The following SAMD4A variants were observed in gnomAD, a reference collection of about 807,000 sequenced individuals.
SAMD4A encodes protein Smaug homolog 1.
In SAMD4A, 33 loss-of-function variants were observed where a neutral mutation model predicts 81.3. The observed-to-expected ratio is 0.41, with a 90% CI of 0.31 to 0.54. SAMD4A has a LOEUF of 0.54. Among genes scored for constraint, SAMD4A ranks in the 20% least tolerant of loss-of-function variants. The probability of loss-of-function intolerance (pLI) is 0.37; values close to 1 mark genes in which losing one functional copy is unlikely to be tolerated. For missense variants in SAMD4A, 854 were observed against 951.1 expected (o/e 0.90, Z 1.34); for synonymous variants, 389 against 382.1 (o/e 1.02, Z -0.21).
At chr14:54,781,804 C>T (rs988477998) in intron 11 of SAMD4A, among the ~76,000 whole-genome samples, 1 of 152,254 alleles carries the variant, frequency 6.6e-6, no homozygotes, top group Non-Finnish European at 1.5e-5. Context: ...CCCCATACAG[C>T]TGAGGGTTCC....
intron 7 of SAMD4A, among the ~76,000 whole-genome samples, chr14:54,761,848 G>A (rs953621461): frequency 6.6e-6 from 1 of 151,992 alleles, no homozygotes; most frequent in Non-Finnish European, 1.5e-5. Context: ...CCTGCCCCAC[G>A]TCCCCCTTTA....
At chr14:54,662,984 C>T (rs1343977957) in intron 2 of SAMD4A, among the ~76,000 whole-genome samples, 4 of 152,184 alleles carry the variant, frequency 2.6e-5, no homozygotes, top group African/African-American at 4.8e-5. Context: ...CTTTGTTGCA[C>T]AGTGGAAGTC....
At chr14:54,692,379 C>G (rs761201831) in intron 2 of SAMD4A, among the ~76,000 whole-genome samples, 2 of 152,190 alleles carry the variant, frequency 1.3e-5, no homozygotes, top group Admixed American at 6.5e-5. Flanking sequence ...TCCCAAGATA[C>G]TCCTCTGTTG....
chr14:54,738,944 A>G (rs2037770082), intron 4 of SAMD4A, among the ~76,000 whole-genome samples: 1 of 152,044 alleles, frequency 6.6e-6, no homozygotes, highest in Non-Finnish European at 1.5e-5. Flanking sequence ...ATCCTATAGA[A>G]GGGCCATTCA....
intron 3 of SAMD4A, among the ~76,000 whole-genome samples, chr14:54,708,826 C>T (rs1034265977): frequency 3.3e-5 from 5 of 152,078 alleles, no homozygotes; most frequent in African/African-American, 1.2e-4. Flanking sequence ...GAGCACTTAG[C>T]ACATGGTAGG....
chr14:54,688,349 C>T (rs551319784), intron 2 of SAMD4A: 2 of 985,526 alleles, frequency 2.0e-6, no homozygotes, highest in African/African-American at 3.5e-5. Context: ...TCTGCAGACT[C>T]ATCTCAACTC....
intron 2 of SAMD4A, among the ~76,000 whole-genome samples, chr14:54,607,185 A>G (rs565005705): frequency 6.6e-6 from 1 of 152,218 alleles, no homozygotes; most frequent in Non-Finnish European, 1.5e-5. Flanking sequence ...ATTCCCATGG[A>G]GGGAGGGCGT....
chr14:54,731,927 A>G (rs1271537170), intron 3 of SAMD4A, among the ~76,000 whole-genome samples: 1 of 152,228 alleles, frequency 6.6e-6, no homozygotes, highest in East Asian at 1.9e-4. Context: ...CTCTAAAACA[A>G]AATGCTAAGC....
intron 2 of SAMD4A, among the ~76,000 whole-genome samples, chr14:54,580,428 T>C (rs2033430711): frequency 6.6e-6 from 1 of 152,220 alleles, no homozygotes; most frequent in African/African-American, 2.4e-5. Context: ...TGCAGAGTGT[T>C]ATAGTGTAGG....
rs1450653113 is a variant in SAMD4A at position 54,636,471 on chromosome 14, A to G, written c.197-65591A>G. Among the ~76,000 whole-genome samples the G allele has an allele frequency of 2.6e-5, 4 of 152,316 alleles. No individual in the cohort carries two copies. In the South Asian group the frequency reaches 8.3e-4, roughly 32 times the overall value. ...CGCAGGTTTTGAGCAGAAAAGTGGC[A>G]TGCTCTGACTTATACTTTAAAAAGA... On this transcript the variant is annotated intron_variant, in intron 2 of 12. Coordinates refer to ENST00000554335, the MANE Select transcript of SAMD4A (RefSeq NM_015589.6).
At chr14:54,669,177 A>G (rs1384647334) in intron 2 of SAMD4A, among the ~76,000 whole-genome samples, 2 of 152,138 alleles carry the variant, frequency 1.3e-5, no homozygotes, top group Non-Finnish European at 2.9e-5. Context: ...CTTGACCCAC[A>G]TTTTCTCCCT....
At chr14:54,713,427 AG>A (rs1373346067) in intron 3 of SAMD4A, among the ~76,000 whole-genome samples, 4 of 152,126 alleles carry the variant, frequency 2.6e-5, no homozygotes, top group African/African-American at 9.7e-5. Context: ...TGTGGAGATG[AG>A]GAAGCCAGGT....
chr14:54,592,814 A>T (rs1284718286), intron 2 of SAMD4A, among the ~76,000 whole-genome samples: 4 of 152,112 alleles, frequency 2.6e-5, no homozygotes, highest in Non-Finnish European at 5.9e-5. Flanking sequence ...ATCATCATTG[A>T]TCCTGCCACC....
chr14:54,681,902 A>G (rs2036137505), intron 2 of SAMD4A: 1 of 985,444 alleles, frequency 1.0e-6, no homozygotes. Context: ...GGAGGATGGA[A>G]AGATTTATGA....
intron 2 of SAMD4A, among the ~76,000 whole-genome samples, chr14:54,650,491 G>T (rs2035380418): frequency 6.6e-6 from 1 of 152,116 alleles, no homozygotes; most frequent in Non-Finnish European, 1.5e-5. Flanking sequence ...CAGCTCCTGC[G>T]ACTGGACTGT....
intron 5 of SAMD4A, among the ~76,000 whole-genome samples, chr14:54,750,775 G>C (rs2038083153): frequency 6.6e-6 from 1 of 152,114 alleles, no homozygotes; most frequent in Non-Finnish European, 1.5e-5. Context: ...AACTGAGAGG[G>C]GCTGAAATTA....
At chr14:54,731,575 T>G (rs1195524169) in intron 3 of SAMD4A, among the ~76,000 whole-genome samples, 1 of 152,228 alleles carries the variant, frequency 6.6e-6, no homozygotes, top group African/African-American at 2.4e-5. Flanking sequence ...TGACTTATTT[T>G]TATAAGGTTT....
intron 11 of SAMD4A, among the ~76,000 whole-genome samples, chr14:54,782,437 C>G (rs1420123423): frequency 6.6e-6 from 1 of 151,818 alleles, no homozygotes; most frequent in Non-Finnish European, 1.5e-5. Flanking sequence ...ATATGATTTT[C>G]ACATGAATGG....
intron 2 of SAMD4A, among the ~76,000 whole-genome samples, chr14:54,621,184 CAA>C (rs2034606380): frequency 6.6e-6 from 1 of 152,166 alleles, no homozygotes; most frequent in Admixed American, 6.5e-5. Flanking sequence ...ATTTCCTTTC[CAA>C]CTTTTCAAAT....
Sources: allele counts gnomAD v4.1 joint callset (sites outside exome capture counted in the v4.1 genomes callset), GRCh38; gene constraint gnomAD v4.1.1; transcripts MANE v1.5; gene names NCBI Gene and HGNC (gene_info 2026-07-23, HGNC 2026-07-21).